LRFN5: variants seen among roughly 807,000 people sequenced by gnomAD.
LRFN5 encodes the protein leucine-rich repeat and fibronectin type-III domain-containing protein 5.
LRFN5 carries 24 observed loss-of-function variants against 45.6 expected under a neutral mutation model. The observed-to-expected ratio is 0.53, with a 90% CI of 0.38 to 0.74. The LOEUF (loss-of-function observed/expected upper bound fraction) is 0.74. LRFN5 is among the 30% of genes least tolerant of loss of function. The pLI is 0.00. For missense variants in LRFN5, 776 were observed against 861.5 expected (o/e 0.90, Z 1.24); for synonymous variants, 340 against 313.8 (o/e 1.08, Z -0.88).
chr14:41,637,575 T>C (rs183668317), intron 1 of LRFN5, among the ~76,000 whole-genome samples: 7 of 152,302 alleles, frequency 4.6e-5, no homozygotes, highest in African/African-American at 1.2e-4. Context: ...GGAATGATTC[T>C]ATTCACTCAT....
chr14:41,810,989 T>C (rs862539), intron 2 of LRFN5, among the ~76,000 whole-genome samples: 1 of 151,822 alleles, frequency 6.6e-6, no homozygotes, highest in Non-Finnish European at 1.5e-5. Context: ...CATCTATTAG[T>C]TTAAAATACA....
At chr14:41,623,050 T>C (rs1165329788) in intron 1 of LRFN5, among the ~76,000 whole-genome samples, 1 of 152,136 alleles carries the variant, frequency 6.6e-6, no homozygotes, top group Non-Finnish European at 1.5e-5. Flanking sequence ...TTTGAGCTGG[T>C]GAGATCTAGG....
At chr14:41,748,139 A>T (rs1216609858) in intron 1 of LRFN5, among the ~76,000 whole-genome samples, 1 of 152,090 alleles carries the variant, frequency 6.6e-6, no homozygotes, top group Non-Finnish European at 1.5e-5. Flanking sequence ...ATTAAAATAG[A>T]ACTACTGTGA....
chr14:41,673,206 G>C (rs1881323298), intron 1 of LRFN5, among the ~76,000 whole-genome samples: 1 of 151,998 alleles, frequency 6.6e-6, no homozygotes, highest in Non-Finnish European at 1.5e-5. Flanking sequence ...TTGTCATCAT[G>C]GCCCGTTCTC....
chr14:41,832,564 T>C (rs899087206), intron 2 of LRFN5, among the ~76,000 whole-genome samples: 4 of 152,120 alleles, frequency 2.6e-5, no homozygotes, highest in African/African-American at 9.7e-5. Context: ...AGAGGGTCAT[T>C]AGGGGTAATC....
At chr14:41,669,581 A>C (rs1881069075) in intron 1 of LRFN5, among the ~76,000 whole-genome samples, 1 of 151,986 alleles carries the variant, frequency 6.6e-6, no homozygotes, top group East Asian at 1.9e-4. Flanking sequence ...AGCTTAACAC[A>C]TACTATTGGC....
chr14:41,638,696 A>G lies in LRFN5; in HGVS notation c.-197+30134A>G, dbSNP rs141032196. Among the ~76,000 whole-genome samples the G allele has an allele frequency of 9.1e-3, 1,381 of 152,264 alleles. 6 individuals are homozygous for G. The highest frequency in any genetic ancestry group is 0.014 in the East Asian group (75 of 5,184). On this transcript the variant is annotated intron_variant, in intron 1 of 5. Transcript: ENST00000298119. ...TAATTTTAGCCAATTCAATGAATAG[A>G]TGCTAGTTTTAAAATTAATGTAACC... is the stretch of plus-strand genomic sequence containing the variant.
chr14:41,750,428 T>C (rs1388267671), intron 1 of LRFN5, among the ~76,000 whole-genome samples: 1 of 151,896 alleles, frequency 6.6e-6, no homozygotes. Context: ...GCAAGAGACA[T>C]CATCTTTGGG....
chr14:41,767,686 A>G (rs945249609), intron 2 of LRFN5, among the ~76,000 whole-genome samples: 1 of 152,244 alleles, frequency 6.6e-6, no homozygotes, highest in Admixed American at 6.5e-5. Flanking sequence ...TGTAAAATGC[A>G]TAACACAATG....
intron 1 of LRFN5, among the ~76,000 whole-genome samples, chr14:41,610,862 C>T (rs1887733548): frequency 6.6e-6 from 1 of 151,680 alleles, no homozygotes; most frequent in African/African-American, 2.4e-5. Flanking sequence ...TTCTAAACGT[C>T]TGACAAGGAC....
intron 1 of LRFN5, among the ~76,000 whole-genome samples, chr14:41,662,536 A>G (rs977887468): frequency 1.3e-5 from 2 of 152,094 alleles, no homozygotes. Context: ...AAGTGCAAAC[A>G]AGATTTGTCA....
At position 41,691,763 on chromosome 14, in the gene LRFN5, C is replaced by T. The variant is rs560733693; in HGVS notation, c.-196-75091C>T. Among the ~76,000 whole-genome samples, 65 of 152,178 alleles carry T rather than the reference C, an allele frequency of 4.3e-4. 2 individuals are homozygous for T. In the South Asian group the frequency reaches 0.013, roughly 31 times the overall value. On this transcript the variant is annotated intron_variant, in intron 1 of 5. Coordinates refer to ENST00000298119, the MANE Select transcript of LRFN5 (RefSeq NM_152447.5). ...CTTATTCCACTTTCCAGATTATCCC[C>T]ATTCCTTACTATTCCCAGAGACTAA...
chr14:41,782,914 T>G (rs1468987030), intron 2 of LRFN5, among the ~76,000 whole-genome samples: 1 of 152,004 alleles, frequency 6.6e-6, no homozygotes, highest in African/African-American at 2.4e-5. Context: ...CTGAATATTA[T>G]CTTTTAGTGA....
At chr14:41,765,511 T>C (rs969704953) in intron 1 of LRFN5, among the ~76,000 whole-genome samples, 1 of 152,174 alleles carries the variant, frequency 6.6e-6, no homozygotes, top group African/African-American at 2.4e-5. Context: ...ACATCTTACT[T>C]TGGAGGAAGA....
At chr14:41,894,693 T>A in intron 4 of LRFN5, 2 of 985,292 alleles carry the variant, frequency 2.0e-6, no homozygotes, top group Non-Finnish European at 2.4e-6. Context: ...TATCATGATG[T>A]CTGAAACATA....
intron 2 of LRFN5, among the ~76,000 whole-genome samples, chr14:41,781,585 AAAGAAAGAAAG>A (rs1191151763): frequency 1.0e-5 from 1 of 98,908 alleles, no homozygotes; most frequent in Non-Finnish European, 2.1e-5. Flanking sequence ...AGAAAGAAAG[AAAGAAAGAAAG>A]AAAGAAAGAA....
chr14:41,796,355 T>C (rs929885172), intron 2 of LRFN5, among the ~76,000 whole-genome samples: 6 of 151,994 alleles, frequency 3.9e-5, no homozygotes, highest in African/African-American at 1.4e-4. Flanking sequence ...CCATGTGTTT[T>C]AATAAGCTTA....
At chr14:41,673,466 C>T (rs1415520995) in intron 1 of LRFN5, among the ~76,000 whole-genome samples, 8 of 147,526 alleles carry the variant, frequency 5.4e-5, no homozygotes, top group Admixed American at 1.3e-4. Flanking sequence ...CACCTCCCTC[C>T]TGGACGGGGC....
intron 2 of LRFN5, among the ~76,000 whole-genome samples, chr14:41,782,960 CTGTGGTGATACAGCTTTTTTTT>C (rs1886582366): frequency 1.4e-5 from 2 of 139,012 alleles, no homozygotes. Flanking sequence ...ACAAGTGTTC[CTGTGGTGATACAGCTTTTTTTT>C]TTTTTTTTCT....
Sources: allele counts gnomAD v4.1 joint callset (sites outside exome capture counted in the v4.1 genomes callset), GRCh38; gene constraint gnomAD v4.1.1; transcripts MANE v1.5; gene names NCBI Gene and HGNC (gene_info 2026-07-23, HGNC 2026-07-21).